The following LRRC61 variants were observed in gnomAD, a reference collection of about 807,000 sequenced individuals.
The protein encoded by LRRC61 is leucine-rich repeat-containing protein 61.
LRRC61 carries 9 observed loss-of-function variants against 15.1 expected under a neutral mutation model. The observed-to-expected ratio is 0.60, with a 90% CI of 0.36 to 1.04. The LOEUF (loss-of-function observed/expected upper bound fraction) is 1.04, where lower values mean the gene tolerates loss of function less well. Ranked by LOEUF, LRRC61 falls within the 50% of genes least tolerant of loss-of-function variation. The pLI, the probability that LRRC61 is intolerant of heterozygous loss-of-function variation, is 0.01. For missense variants in LRRC61, 344 were observed against 335.6 expected (o/e 1.03, Z -0.20); for synonymous variants, 173 against 158.6 (o/e 1.09, Z -0.68).
rs993184095 is a variant in LRRC61, at chr7:150,333,506, G to C, written c.-144-3212G>C. On this transcript the variant is annotated intron_variant, in intron 2 of 2. Coordinates refer to ENST00000359623, the MANE Select transcript of LRRC61 (RefSeq NM_001142928.2). The surrounding 1 kb of genome is among the most constrained non-coding windows in gnomAD (Gnocchi z 4.3). Reference sequence around the variant, plus strand: ...CGTTAGAGCCTCCAGTCCACCCGAGGCTGCTCTGGGTTGAAGCGTTCCTCC... The same window carrying C: ...CGTTAGAGCCTCCAGTCCACCCGAGCCTGCTCTGGGTTGAAGCGTTCCTCC... Among the ~76,000 whole-genome samples, 10 of 152,212 alleles carry C rather than the reference G, an allele frequency of 6.6e-5. No homozygotes were observed. The highest frequency in any genetic ancestry group is 1.2e-4 in the Non-Finnish European group (8 of 68,034).
At chr7:150,331,027 C>T in intron 2 of LRRC61, 2 of 1,611,678 alleles carry the variant, frequency 1.2e-6, no homozygotes, top group South Asian at 2.2e-5. Flanking sequence ...ACCGTTGGAG[C>T]CCAGGATGAC....
chr7:150,314,667 G>A, the LRRC61 span, among the ~76,000 whole-genome samples: 1 of 151,718 alleles, frequency 6.6e-6, no homozygotes, highest in South Asian at 2.1e-4. Flanking sequence ...TTAAGGCTGA[G>A]CTTGGTGGCT....
At chr7:150,331,405 C>G in intron 2 of LRRC61, 1 of 341,850 alleles carries the variant, frequency 2.9e-6, no homozygotes, top group Non-Finnish European at 5.6e-6. Context: ...GGTGTTGCAT[C>G]CTGGGCGCCA....
upstream of LRRC61, among the ~76,000 whole-genome samples, chr7:150,319,319 T>C (rs1238701162): frequency 2.0e-5 from 3 of 152,098 alleles, no homozygotes; most frequent in Non-Finnish European, 4.4e-5. Context: ...GCGATTCTCC[T>C]GCCTTGGCCT....
chr7:150,320,453 T>C (rs986134020), upstream of LRRC61, among the ~76,000 whole-genome samples: 4 of 152,196 alleles, frequency 2.6e-5, no homozygotes, highest in Non-Finnish European at 4.4e-5. Context: ...GAGCAAAATA[T>C]AGTTTAAATT....
chr7:150,319,028 T>C (rs935154225), upstream of LRRC61, among the ~76,000 whole-genome samples: 4 of 152,212 alleles, frequency 2.6e-5, no homozygotes, highest in African/African-American at 9.6e-5. Context: ...AGTAGGAAGA[T>C]ACCTGGGCTG....
At chr7:150,332,801 G>T in intron 2 of LRRC61, 1 of 163,802 alleles carries the variant, frequency 6.1e-6, no homozygotes. Flanking sequence ...CACTAGGTGT[G>T]GGAGTGGGGT....
chr7:150,316,547 G>A, the LRRC61 span, among the ~76,000 whole-genome samples: 28 of 144,044 alleles, frequency 1.9e-4, no homozygotes, highest in Admixed American at 2.2e-4. Flanking sequence ...GTGCAGTGGC[G>A]CGATCTCAGC....
chr7:150,318,980 A>G (rs1266498335), upstream of LRRC61, among the ~76,000 whole-genome samples: 1 of 152,176 alleles, frequency 6.6e-6, no homozygotes, highest in East Asian at 1.9e-4. Flanking sequence ...TTTTCAAACA[A>G]GTTTCCCAGG....
At position 150,335,195 on chromosome 7, in the gene LRRC61, C is replaced by G. The variant is rs890160204; in HGVS notation, c.-144-1523C>G. ...AGACAGGTTTCTAGTGCCTGGTGCT[C>G]CTCCTGCACCCCCCACGTTAGGGGC... On this transcript the variant is annotated intron_variant, in intron 2 of 2. Coordinates refer to ENST00000359623, the MANE Select transcript of LRRC61 (RefSeq NM_001142928.2). The surrounding 1 kb of genome is among the most constrained non-coding windows in gnomAD (Gnocchi z 4.3). 4.6e-5 allele frequency among the ~76,000 whole-genome samples: 7 copies of G among 152,202 alleles called. No homozygotes were observed. The highest frequency in any genetic ancestry group is 8.8e-5 in the Non-Finnish European group (6 of 68,032).
intron 2 of LRRC61, chr7:150,331,903 G>A: frequency 6.0e-6 from 1 of 167,252 alleles, no homozygotes. Context: ...CTTTTTGGGG[G>A]TTTCAGAGTG....
chr7:150,337,412 G>T lies in LRRC61; in HGVS notation c.551G>T (p.Arg184Leu), dbSNP rs763031842. 1 of 1,605,608 alleles carries T rather than the reference G, an allele frequency of 6.2e-7. No individual in the cohort carries two copies. Residue 184 changes from arginine to leucine, a missense_variant, in exon 3 of 3, where the codon CGT (arginine) becomes CTT (leucine). Physicochemically the swap from Arg to Leu is moderately radical, Grantham distance 102. Coordinates refer to ENST00000359623, the MANE Select transcript of LRRC61 (RefSeq NM_001142928.2). The stretch of plus-strand genomic sequence containing the variant: ...TGCCGAGACCTGGACAGCTCCTTGC[G>T]TCCCAGCTCCAGTCCAGGCCCCAGA... ...QLCRDLDSSL[R>L]PSSSPGPRAT...
intron 2 of LRRC61, among the ~76,000 whole-genome samples, chr7:150,334,783 C>T (rs951190793): frequency 1.1e-4 from 16 of 152,256 alleles, no homozygotes; most frequent in Non-Finnish European, 1.6e-4. Flanking sequence ...TTTGGGAGGC[C>T]GAGGCAGGGG....
rs1041397354 is a variant in LRRC61 at position 150,335,503 on chromosome 7, C to T, written c.-144-1215C>T. 6.6e-6 allele frequency among the ~76,000 whole-genome samples: 1 copy of T among 152,210 alleles called. No homozygotes were observed. Among genetic ancestry groups the T allele is most frequent in the South Asian group, 2.1e-4 (1 of 4,828 alleles). On this transcript the variant is annotated intron_variant, in intron 2 of 2. Coordinates refer to ENST00000359623, the MANE Select transcript of LRRC61 (RefSeq NM_001142928.2). This position sits in a 1 kb window ranked among gnomAD's most constrained non-coding sequence, Gnocchi z 4.3. ...GATGGCAAGACCGTTTACATCCTCG[C>T]CAGCTCCCTGGTTGGGAACATAGTA... is the stretch of plus-strand genomic sequence containing the variant.
chr7:150,336,932 G>C lies in LRRC61; in HGVS notation c.71G>C (p.Arg24Pro), dbSNP rs200119255. ...LQITPQLLKS[R>P]TGEFSLESIL... Reference sequence around the variant, plus strand: ...ATCACACCCCAGCTGCTGAAGTCACGCACAGGCGAGTTCTCCCTGGAGTCC... The same window carrying C: ...ATCACACCCCAGCTGCTGAAGTCACCCACAGGCGAGTTCTCCCTGGAGTCC... Residue 24 changes from arginine to proline, a missense_variant, in exon 3 of 3, where the codon CGC becomes CCC. Physicochemically the swap from Arg to Pro is moderately radical, Grantham distance 103. Transcript: ENST00000359623. 3 of 1,613,780 alleles carry C rather than the reference G, an allele frequency of 1.9e-6. No homozygotes were observed. Among genetic ancestry groups the C allele is most frequent in the Admixed American group, 3.3e-5 (2 of 60,032 alleles).
the LRRC61 span, among the ~76,000 whole-genome samples, chr7:150,313,870 A>C: frequency 6.6e-6 from 1 of 152,230 alleles, no homozygotes; most frequent in South Asian, 2.1e-4. Flanking sequence ...TGGAAAGCTA[A>C]AAACAACCTT....
upstream of LRRC61, among the ~76,000 whole-genome samples, chr7:150,322,347 C>T (rs969385958): frequency 1.6e-4 from 24 of 152,258 alleles, no homozygotes; most frequent in African/African-American, 5.5e-4. Context: ...GTCATACAGA[C>T]CTTGCTGATA....
At chr7:150,319,852 C>T (rs973383447), upstream of LRRC61, among the ~76,000 whole-genome samples, 2 of 152,150 alleles carry the variant, frequency 1.3e-5, no homozygotes, top group Admixed American at 6.5e-5. Flanking sequence ...GCTCTAGGGG[C>T]AGGAGCCAGT....
At chr7:150,316,511 C>T in the LRRC61 span, among the ~76,000 whole-genome samples, 10 of 110,362 alleles carry the variant, frequency 9.1e-5, no homozygotes, top group Non-Finnish European at 1.4e-4. Context: ...TTTTTTGAGG[C>T]GGAGTCTCAC....
Sources: allele counts gnomAD v4.1 joint callset (sites outside exome capture counted in the v4.1 genomes callset), GRCh38; gene constraint gnomAD v4.1.1; non-coding constraint Gnocchi (gnomAD v3.1); transcripts MANE v1.5; gene names NCBI Gene and HGNC (gene_info 2026-07-23, HGNC 2026-07-21).